The following TMEM232 variants were observed in gnomAD, a reference collection of about 807,000 sequenced individuals.
TMEM232 encodes transmembrane protein 232.
A neutral mutation model predicts 78.8 loss-of-function variants in TMEM232; 80 were observed. That is an observed-to-expected ratio of 1.01 (90% CI 0.85 to 1.22). The LOEUF (loss-of-function observed/expected upper bound fraction) is 1.22, where lower values mean the gene tolerates loss of function less well. Among genes scored for constraint, TMEM232 ranks in the 50% most tolerant of loss-of-function variants. The pLI, the probability that TMEM232 is intolerant of heterozygous loss-of-function variation, is 0.00. For missense variants in TMEM232, 881 were observed against 742.2 expected (o/e 1.19, Z -2.17); for synonymous variants, 297 against 254.3 (o/e 1.17, Z -1.60).
At chr5:110,684,765 A>C (rs867705301) in intron 1 of TMEM232, 7 of 152,076 alleles carry the variant, frequency 4.6e-5, no homozygotes, top group Admixed American at 4.6e-4. Context: ...CCAAACACAC[A>C]AGAACAATTT....
At chr5:110,531,810 G>T (rs528583995) in intron 11 of TMEM232, among the ~76,000 whole-genome samples, 93 of 152,178 alleles carry the variant, frequency 6.1e-4, no homozygotes, top group Middle Eastern at 3.4e-3. Flanking sequence ...GCAACCCTGA[G>T]ATGCTTTACA....
At chr5:110,439,871 G>A (rs1758840260) in intron 12 of TMEM232, among the ~76,000 whole-genome samples, 1 of 152,088 alleles carries the variant, frequency 6.6e-6, no homozygotes, top group Non-Finnish European at 1.5e-5. Flanking sequence ...CAGAATCATT[G>A]TCTACTGCAG....
rs1787699254 is a variant in TMEM232, at chr5:110,647,727, T to C, written c.126-5356A>G. On this transcript the variant is annotated intron_variant, in intron 2 of 13. Coordinates refer to ENST00000455884, the MANE Select transcript of TMEM232 (RefSeq NM_001039763.4). ...TTCAACAAATCCAATAATTCCTTTATTGATTGACATTTCACATTACTTCCT... is the reference window on the plus strand; with the variant it reads ...TTCAACAAATCCAATAATTCCTTTACTGATTGACATTTCACATTACTTCCT... Among the ~76,000 whole-genome samples, 3 of 152,084 alleles carry C rather than the reference T, an allele frequency of 2.0e-5. 1 individual carries two copies. The highest frequency in any genetic ancestry group is 2.1e-4 in the South Asian group (1 of 4,826).
At chr5:110,489,633 A>G (rs1764820682) in intron 12 of TMEM232, among the ~76,000 whole-genome samples, 1 of 152,148 alleles carries the variant, frequency 6.6e-6, no homozygotes, top group Non-Finnish European at 1.5e-5. Flanking sequence ...CTTCTATTCA[A>G]TATTGTACTG....
At chr5:110,444,149 A>C (rs1759376940) in intron 12 of TMEM232, among the ~76,000 whole-genome samples, 1 of 152,102 alleles carries the variant, frequency 6.6e-6, no homozygotes, top group Non-Finnish European at 1.5e-5. Flanking sequence ...GCCCAGAACA[A>C]GGAGATACCT....
intron 2 of TMEM232, among the ~76,000 whole-genome samples, chr5:110,399,363 C>G (rs10061150): frequency 0.28 from 43,146 of 151,984 alleles, 10,899 homozygotes; most frequent in African/African-American, 0.67. Context: ...TGTTAACTCT[C>G]CTCCGAAGTT....
At chr5:110,668,189 A>G (rs114265701) in intron 1 of TMEM232, among the ~76,000 whole-genome samples, 1,781 of 152,248 alleles carry the variant, frequency 0.012, 46 homozygotes, top group African/African-American at 0.04. Flanking sequence ...CATGGGCAGA[A>G]CTACAAAACA....
chr5:110,612,453 A>C (rs969414888), intron 8 of TMEM232, among the ~76,000 whole-genome samples: 2 of 152,158 alleles, frequency 1.3e-5, no homozygotes, highest in Non-Finnish European at 2.9e-5. Flanking sequence ...AGTTCATAAG[A>C]AATGAAGGAG....
intron 12 of TMEM232, among the ~76,000 whole-genome samples, chr5:110,460,296 T>C (rs1761369021): frequency 6.6e-6 from 1 of 151,732 alleles, no homozygotes; most frequent in Admixed American, 6.6e-5. Flanking sequence ...TAAGTAAGTG[T>C]GTGTGTGTGT....
At chr5:110,507,863 C>T (rs1767117251) in intron 12 of TMEM232, among the ~76,000 whole-genome samples, 1 of 152,146 alleles carries the variant, frequency 6.6e-6, no homozygotes, top group South Asian at 2.1e-4. Flanking sequence ...GCCTGCATGG[C>T]ATGCAATGCC....
At chr5:110,563,957 G>A (rs2149668777) in intron 11 of TMEM232, among the ~76,000 whole-genome samples, 1 of 152,058 alleles carries the variant, frequency 6.6e-6, no homozygotes, top group Non-Finnish European at 1.5e-5. Flanking sequence ...TTTAAGGATT[G>A]TTATTCCAAA....
chr5:110,647,582 T>C (rs1041147046), intron 2 of TMEM232, among the ~76,000 whole-genome samples: 1 of 151,972 alleles, frequency 6.6e-6, no homozygotes, highest in Admixed American at 6.6e-5. Context: ...TAAATAAATA[T>C]CACTTAAAGA....
intron 7 of TMEM232, among the ~76,000 whole-genome samples, chr5:110,623,523 C>T (rs1179657378): frequency 1.3e-5 from 2 of 152,078 alleles, no homozygotes; most frequent in Admixed American, 1.3e-4. Flanking sequence ...ATTTCTATCA[C>T]TTTTATGTCT....
chr5:110,455,380 CTTT>C (rs567534953), intron 12 of TMEM232, among the ~76,000 whole-genome samples: 2 of 142,874 alleles, frequency 1.4e-5, no homozygotes. Context: ...TAGATATAAA[CTTT>C]TTTTTTTTTT....
chr5:110,508,589 G>A (rs950231460), intron 12 of TMEM232, among the ~76,000 whole-genome samples: 6 of 150,658 alleles, frequency 4.0e-5, no homozygotes, highest in African/African-American at 1.2e-4. Flanking sequence ...CCATATTGCA[G>A]AGTGCCTCAA....
chr5:110,581,011 G>C (rs142336573), intron 10 of TMEM232, among the ~76,000 whole-genome samples: 1 of 151,612 alleles, frequency 6.6e-6, no homozygotes, highest in African/African-American at 2.4e-5. Context: ...AAAGAAGTCA[G>C]AGGTGATACA....
chr5:110,460,529 T>A (rs1210628191), intron 12 of TMEM232, among the ~76,000 whole-genome samples: 1 of 152,180 alleles, frequency 6.6e-6, no homozygotes, highest in African/African-American at 2.4e-5. Context: ...ATTAATACTT[T>A]TGCTTAAATC....
At chr5:110,729,227 C>A (rs557058371), upstream of TMEM232, among the ~76,000 whole-genome samples, 1 of 152,152 alleles carries the variant, frequency 6.6e-6, no homozygotes, top group African/African-American at 2.4e-5. Context: ...GCTATGTAAT[C>A]AATTAAAAAA....
chr5:110,509,789 G>A (rs1195545739), intron 12 of TMEM232, among the ~76,000 whole-genome samples: 1 of 152,084 alleles, frequency 6.6e-6, no homozygotes, highest in African/African-American at 2.4e-5. Context: ...TGTATGCTCA[G>A]GGATAATGAA....
Sources: allele counts gnomAD v4.1 joint callset (sites outside exome capture counted in the v4.1 genomes callset), GRCh38; gene constraint gnomAD v4.1.1; transcripts MANE v1.5; gene names NCBI Gene and HGNC (gene_info 2026-07-23, HGNC 2026-07-21).